Variants in SIPA1L1 observed in about 807,000 individuals in gnomAD.
The protein encoded by SIPA1L1 is signal-induced proliferation-associated 1-like protein 1.
SIPA1L1 carries 26 observed loss-of-function variants against 162.7 expected under a neutral mutation model. The ratio of observed to expected loss-of-function variants is 0.16; its 90% CI spans 0.12 to 0.22. The LOEUF (loss-of-function observed/expected upper bound fraction) is 0.22. SIPA1L1 is among the 10% of genes least tolerant of loss of function. The probability of loss-of-function intolerance (pLI) is 1.00; values close to 1 mark genes in which losing one functional copy is unlikely to be tolerated. For missense variants in SIPA1L1, 1,874 were observed against 2,241.0 expected, an observed-to-expected ratio of 0.84 and a Z score of 3.31; for synonymous variants, 829 against 837.4, an observed-to-expected ratio of 0.99 and a Z score of 0.17.
intron 4 of SIPA1L1, among the ~76,000 whole-genome samples, chr14:71,562,598 A>G (rs1017665347): frequency 6.6e-6 from 1 of 152,198 alleles, no homozygotes; most frequent in Non-Finnish European, 1.5e-5. Flanking sequence ...TTGGCATCCT[A>G]TTTAACCCAG....
intron 13 of SIPA1L1, among the ~76,000 whole-genome samples, chr14:71,688,837 G>T (rs565864606): frequency 6.6e-6 from 1 of 152,316 alleles, no homozygotes; most frequent in East Asian, 1.9e-4. Context: ...TGTGACTAAA[G>T]AATGCTTTAC....
intron 17 of SIPA1L1, among the ~76,000 whole-genome samples, chr14:71,710,904 A>G (rs1259243143): frequency 1.3e-5 from 2 of 152,164 alleles, no homozygotes; most frequent in South Asian, 4.1e-4. Context: ...TAGGCACATA[A>G]TCTGTCAGTA....
chr14:71,329,988 A>G (rs1450790746), intron 2 of SIPA1L1, among the ~76,000 whole-genome samples: 4 of 152,228 alleles, frequency 2.6e-5, no homozygotes, highest in African/African-American at 9.6e-5. Context: ...CAGGCCAGTC[A>G]GATAGAAAAT....
intron 2 of SIPA1L1, among the ~76,000 whole-genome samples, chr14:71,414,314 G>T (rs958481313): frequency 9.2e-5 from 14 of 152,234 alleles, no homozygotes; most frequent in Non-Finnish European, 1.9e-4. Flanking sequence ...AGGAGGTGGA[G>T]GTTGCAGTGA....
In SIPA1L1 at chr14:71,709,596, A is replaced by G. The variant is rs1566709179; in HGVS notation, c.4140A>G (p.Gln1380=). The G allele has an allele frequency of 1.2e-6, 2 of 1,614,224 alleles. No homozygotes were observed. The highest frequency in any genetic ancestry group is 2.2e-5 in the South Asian group (2 of 91,090). Residue 1380 remains glutamine, a synonymous_variant, in exon 17 of 24, where the codon CAA becomes CAG. Transcript: ENST00000381232. ...SLSLDIHSKS[Q]AGSTPLTREN... The stretch of plus-strand genomic sequence containing the variant: ...GCTTAGACATACACAGCAAGAGCCA[A>G]GCCGGCTCGACCCCTCTGACAAGGG...
At chr14:71,491,469 G>A (rs2049244531) in intron 2 of SIPA1L1, among the ~76,000 whole-genome samples, 1 of 152,146 alleles carries the variant, frequency 6.6e-6, no homozygotes, top group Admixed American at 6.6e-5. Context: ...CATATGAACT[G>A]TAATCAGTGC....
intron 4 of SIPA1L1, among the ~76,000 whole-genome samples, chr14:71,547,348 C>T (rs542806831): frequency 2.3e-5 from 3 of 129,710 alleles, no homozygotes; most frequent in South Asian, 4.9e-4. Flanking sequence ...GGCTGGAGTG[C>T]AGTGGCATGA....
At chr14:71,696,052 A>C (rs548705486) in intron 13 of SIPA1L1, among the ~76,000 whole-genome samples, 3 of 152,084 alleles carry the variant, frequency 2.0e-5, no homozygotes, top group Non-Finnish European at 2.9e-5. Context: ...AAATGTCTTG[A>C]TCTTCTCTTA....
chr14:71,564,237 C>T (rs1017991455), intron 4 of SIPA1L1, among the ~76,000 whole-genome samples: 2 of 152,112 alleles, frequency 1.3e-5, no homozygotes, highest in African/African-American at 4.8e-5. Context: ...GCATGAGCTG[C>T]AATATCTGGC....
intron 2 of SIPA1L1, among the ~76,000 whole-genome samples, chr14:71,394,302 C>T (rs979453727): frequency 2.0e-5 from 3 of 152,208 alleles, no homozygotes; most frequent in African/African-American, 2.4e-5. Context: ...ATTAATTATA[C>T]AGCATTAATT....
At chr14:71,524,179 C>G (rs1289592717) in intron 3 of SIPA1L1, among the ~76,000 whole-genome samples, 1 of 152,210 alleles carries the variant, frequency 6.6e-6, no homozygotes, top group Non-Finnish European at 1.5e-5. Flanking sequence ...AGTGATACCG[C>G]TGATTCAAAT....
intron 17 of SIPA1L1, among the ~76,000 whole-genome samples, chr14:71,710,365 A>G (rs1345175134): frequency 6.6e-6 from 1 of 152,222 alleles, no homozygotes; most frequent in Non-Finnish European, 1.5e-5. Flanking sequence ...AGATCCACAT[A>G]GGGAAGAAGC....
intron 4 of SIPA1L1, among the ~76,000 whole-genome samples, chr14:71,532,962 A>G (rs530895106): frequency 2.6e-5 from 4 of 152,122 alleles, no homozygotes; most frequent in Non-Finnish European, 2.9e-5. Context: ...CTTAACCTCT[A>G]CAGGGTGGTG....
chr14:71,539,331 C>T (rs1237817754), intron 4 of SIPA1L1, among the ~76,000 whole-genome samples: 1 of 152,172 alleles, frequency 6.6e-6, no homozygotes. Context: ...TCTCTATTCA[C>T]TACATGATCT....
intron 4 of SIPA1L1, among the ~76,000 whole-genome samples, chr14:71,545,657 C>A (rs776251989): frequency 6.6e-6 from 1 of 151,832 alleles, no homozygotes; most frequent in African/African-American, 2.4e-5. Flanking sequence ...TTTATTTGTT[C>A]CTTTTCCATC....
At chr14:71,423,917 A>C (rs2043372059) in intron 2 of SIPA1L1, among the ~76,000 whole-genome samples, 1 of 152,146 alleles carries the variant, frequency 6.6e-6, no homozygotes, top group South Asian at 2.1e-4. Flanking sequence ...TCTTAATATC[A>C]AACCTTTCAG....
intron 17 of SIPA1L1, among the ~76,000 whole-genome samples, chr14:71,719,249 A>T (rs2083502394): frequency 6.6e-6 from 1 of 152,132 alleles, no homozygotes; most frequent in Non-Finnish European, 1.5e-5. Context: ...AATATTAAGA[A>T]TTCCTGTACA....
chr14:71,724,547 ATC>A, intron 18 of SIPA1L1, 121 bp from the exon 19 acceptor site: 1 of 692,854 alleles, frequency 1.4e-6, no homozygotes, highest in Non-Finnish European at 2.3e-6. Context: ...AGAAGTAATT[ATC>A]TGTTTCTCCA....
chr14:71,464,862 C>G (rs1479233981), intron 2 of SIPA1L1, among the ~76,000 whole-genome samples: 2 of 152,184 alleles, frequency 1.3e-5, no homozygotes, highest in African/African-American at 2.4e-5. Flanking sequence ...GTCACACTCT[C>G]AACCTCACTT....
Sources: allele counts gnomAD v4.1 joint callset (sites outside exome capture counted in the v4.1 genomes callset), GRCh38; gene constraint gnomAD v4.1.1; transcripts MANE v1.5; gene names NCBI Gene and HGNC (gene_info 2026-07-23, HGNC 2026-07-21).